Variants in SLC35F1 observed in about 807,000 individuals in gnomAD.
SLC35F1 encodes chromosome 6 open reading frame 169.
A neutral mutation model predicts 48.7 loss-of-function variants in SLC35F1; 14 were observed. The observed-to-expected ratio is 0.29, with a 90% CI of 0.19 to 0.45. The LOEUF is 0.45. Among genes scored for constraint, SLC35F1 ranks in the 20% least tolerant of loss-of-function variants. The probability of loss-of-function intolerance (pLI) is 1.00; values close to 1 mark genes in which losing one functional copy is unlikely to be tolerated. For synonymous variants in SLC35F1, 190 were observed against 202.2 expected (o/e 0.94, Z 0.51); for missense variants, 404 against 500.0 (o/e 0.81, Z 1.83).
chr6:118,013,977 G>A (rs771451569), intron 1 of SLC35F1, among the ~76,000 whole-genome samples: 28 of 152,142 alleles, frequency 1.8e-4, no homozygotes, highest in Non-Finnish European at 3.7e-4. Flanking sequence ...GTTTACAGTC[G>A]TGGCTTATTA....
At chr6:118,235,773 T>A in intron 3 of SLC35F1, 137 bp downstream of exon 3, 10 of 714,892 alleles carry the variant, frequency 1.4e-5, no homozygotes, top group Non-Finnish European at 2.0e-5. Context: ...AGTATACAGA[T>A]TCTGTATACT....
intron 1 of SLC35F1, among the ~76,000 whole-genome samples, chr6:118,037,356 A>G (rs983543646): frequency 1.3e-5 from 2 of 152,006 alleles, no homozygotes; most frequent in Admixed American, 6.6e-5. Context: ...TTTTTTGGAT[A>G]TGGGTTTACA....
chr6:118,157,674 G>A (rs1233154765), intron 2 of SLC35F1, among the ~76,000 whole-genome samples: 1 of 152,180 alleles, frequency 6.6e-6, no homozygotes, highest in Non-Finnish European at 1.5e-5. Context: ...TTTGAGGGCA[G>A]GGAGCATCCA....
rs1773501976 is a variant in SLC35F1 at position 118,118,366 on chromosome 6, T to C, written c.174-36079T>C. On this transcript the variant is annotated intron_variant, in intron 1 of 7. Coordinates refer to ENST00000360388, the MANE Select transcript of SLC35F1 (RefSeq NM_001029858.4). ...TTGTGTCAACTCATTCTATTTATCATAGAGTGATAAACTTGGCTCCAAATT... is the reference window on the plus strand; with the variant it reads ...TTGTGTCAACTCATTCTATTTATCACAGAGTGATAAACTTGGCTCCAAATT... Among the ~76,000 whole-genome samples the C allele has an allele frequency of 2.6e-5, 4 of 152,310 alleles. No individual in the cohort carries two copies. The South Asian group carries it at 8.3e-4, about 32-fold the overall frequency.
At chr6:118,262,626 G>A (rs1775726976) in intron 3 of SLC35F1, among the ~76,000 whole-genome samples, 1 of 152,086 alleles carries the variant, frequency 6.6e-6, no homozygotes, top group African/African-American at 2.4e-5. Context: ...ATACTAATTT[G>A]CTTTTCTCTT....
intron 1 of SLC35F1, among the ~76,000 whole-genome samples, chr6:118,009,935 A>T (rs776613908): frequency 1.9e-4 from 29 of 152,160 alleles, no homozygotes; most frequent in South Asian, 4.1e-4. Flanking sequence ...TTGTTAGCTT[A>T]CAAGGAAATT....
At chr6:118,135,392 T>G (rs17334660) in intron 1 of SLC35F1, among the ~76,000 whole-genome samples, 54,823 of 152,134 alleles carry the variant, frequency 0.36, 10,409 homozygotes, top group Non-Finnish European at 0.43. Context: ...CTATATTATG[T>G]TTCTACAACA....
chr6:118,206,816 C>A (rs1774942386), intron 2 of SLC35F1, among the ~76,000 whole-genome samples: 1 of 152,084 alleles, frequency 6.6e-6, no homozygotes, highest in Non-Finnish European at 1.5e-5. Flanking sequence ...TGTGAGCTGG[C>A]AAGATCACAG....
Position 118,236,492 on chromosome 6 carries a change from C to T in SLC35F1, c.477+856C>T, listed in dbSNP as rs187875291. ...TCCTGCCATCTTGTCTATTTGCTTA[C>T]GAACAATAATGACAAAAATGGAGAA... On this transcript the variant is annotated intron_variant, in intron 3 of 7. Coordinates refer to ENST00000360388, the MANE Select transcript of SLC35F1 (RefSeq NM_001029858.4). Among the ~76,000 whole-genome samples, 8 of 152,070 alleles carry T rather than the reference C, an allele frequency of 5.3e-5. No individual in the cohort carries two copies. The East Asian group carries it at 5.8e-4, about 11-fold the overall frequency.
chr6:118,028,143 G>A (rs967220407), intron 1 of SLC35F1, among the ~76,000 whole-genome samples: 6 of 152,018 alleles, frequency 3.9e-5, no homozygotes, highest in African/African-American at 1.4e-4. Flanking sequence ...ATTTTTTATT[G>A]TCTTATATAC....
intron 1 of SLC35F1, among the ~76,000 whole-genome samples, chr6:117,993,523 A>T (rs1776946910): frequency 6.6e-6 from 1 of 152,124 alleles, no homozygotes; most frequent in South Asian, 2.1e-4. Flanking sequence ...AGCAGTGAGC[A>T]AGAAGGAAGC....
At chr6:118,101,647 T>C (rs1773259475) in intron 1 of SLC35F1, among the ~76,000 whole-genome samples, 2 of 152,126 alleles carry the variant, frequency 1.3e-5, no homozygotes, top group African/African-American at 2.4e-5. Flanking sequence ...CAATCTTCCA[T>C]GAAAATCTGC....
intron 1 of SLC35F1, among the ~76,000 whole-genome samples, chr6:117,922,930 T>C (rs1050061857): frequency 6.6e-6 from 1 of 152,180 alleles, no homozygotes; most frequent in Non-Finnish European, 1.5e-5. Context: ...CATTTTGGGC[T>C]AGCGGAGAAC....
At chr6:118,026,608 T>G (rs981545094) in intron 1 of SLC35F1, among the ~76,000 whole-genome samples, 5 of 152,224 alleles carry the variant, frequency 3.3e-5, no homozygotes, top group Non-Finnish European at 7.3e-5. Context: ...CTGTTTTGTT[T>G]GCAAAGGAGA....
chr6:117,972,029 T>A (rs1406873216), intron 1 of SLC35F1, among the ~76,000 whole-genome samples: 1 of 152,226 alleles, frequency 6.6e-6, no homozygotes, highest in Non-Finnish European at 1.5e-5. Context: ...TTCTTTTATA[T>A]CATCATCAGG....
At chr6:118,045,847 C>T (rs1446248356) in intron 1 of SLC35F1, among the ~76,000 whole-genome samples, 1 of 152,174 alleles carries the variant, frequency 6.6e-6, no homozygotes, top group Non-Finnish European at 1.5e-5. Context: ...CTTTCTTTTA[C>T]ATTGTCACAT....
At position 118,266,847 on chromosome 6, in the gene SLC35F1, T is replaced by C. The variant is rs574455779; in HGVS notation, c.478-148T>C. The C allele has an allele frequency of 7.3e-5, 55 of 757,808 alleles. No individual in the cohort carries two copies. In the African/African-American group the frequency reaches 8.4e-4, roughly 12 times the overall value. 46.9% of individuals were successfully genotyped at this position (757,808 alleles called of 1,614,324 possible). Reference sequence around the variant, plus strand: ...ATTTCCATTTATTTCAGAGTCTGTTTTAAGTACATCAAGTCTGGGTCTACA... The same window carrying C: ...ATTTCCATTTATTTCAGAGTCTGTTCTAAGTACATCAAGTCTGGGTCTACA... On this transcript the variant is annotated intron_variant, in intron 3 of 7. Transcript: ENST00000360388.
intron 2 of SLC35F1, among the ~76,000 whole-genome samples, chr6:118,229,014 A>G (rs1305656265): frequency 6.6e-6 from 1 of 151,032 alleles, no homozygotes; most frequent in African/African-American, 2.4e-5. Context: ...TACTCAGACT[A>G]CCCCTGGGGT....
chr6:118,307,952 A>C (rs1269185704), intron 7 of SLC35F1, among the ~76,000 whole-genome samples: 2 of 152,150 alleles, frequency 1.3e-5, no homozygotes, highest in African/African-American at 4.8e-5. Flanking sequence ...CTGTATTGTC[A>C]ATGCTGAATT....
Sources: gnomAD v4.1 joint callset for allele counts (sites outside exome capture counted in the v4.1 genomes callset) on GRCh38, gnomAD v4.1.1 for gene constraint, MANE v1.5 for transcripts, NCBI Gene and HGNC (gene_info 2026-07-23, HGNC 2026-07-21) for gene names.